MACROD2: variants seen among roughly 807,000 people sequenced by gnomAD.
The protein encoded by MACROD2 is ADP-ribose glycohydrolase MACROD2.
Under a neutral mutation model 70.4 loss-of-function variants are expected in MACROD2, and 36 were observed. The observed-to-expected ratio is 0.51, with a 90% CI of 0.39 to 0.68. The LOEUF is 0.68. Among genes scored for constraint, MACROD2 ranks in the 30% least tolerant of loss-of-function variants. The pLI is 0.00. For missense variants in MACROD2, 496 were observed against 538.4 expected (o/e 0.92, Z 0.78); for synonymous variants, 172 against 178.8 (o/e 0.96, Z 0.30).
chr20:14,401,619 C>T (rs1200317604), intron 3 of MACROD2, among the ~76,000 whole-genome samples: 1 of 152,068 alleles, frequency 6.6e-6, no homozygotes, highest in Non-Finnish European at 1.5e-5. Context: ...TGAATTGACT[C>T]AATTCAAGTA....
At chr20:15,003,506 G>A (rs2075011616) in intron 5 of MACROD2, among the ~76,000 whole-genome samples, 1 of 152,178 alleles carries the variant, frequency 6.6e-6, no homozygotes, top group Non-Finnish European at 1.5e-5. Flanking sequence ...AATTAGTATG[G>A]TAGAATTTCA....
At chr20:14,427,947 T>C (rs979594392) in intron 3 of MACROD2, among the ~76,000 whole-genome samples, 8 of 152,186 alleles carry the variant, frequency 5.3e-5, no homozygotes, top group Admixed American at 5.2e-4. Context: ...TGATATTTGG[T>C]AAAAGTTAAT....
chr20:15,679,712 A>G lies in MACROD2; in HGVS notation c.645+179865A>G, dbSNP rs79188636. Among the ~76,000 whole-genome samples the G allele has an allele frequency of 1.3e-3, 191 of 152,232 alleles. 1 individual carries two copies. Among genetic ancestry groups the G allele is most frequent in the East Asian group, 7.0e-3 (36 of 5,150 alleles). On this transcript the variant is annotated intron_variant, in intron 8 of 17. Transcript: ENST00000684519. ...CATGCAAAGAAGCAGAGGCCCTGACATCACATAGAGGAGAGTCAAGGAGTC... is the reference window on the plus strand; with the variant it reads ...CATGCAAAGAAGCAGAGGCCCTGACGTCACATAGAGGAGAGTCAAGGAGTC...
intron 15 of MACROD2, among the ~76,000 whole-genome samples, chr20:16,036,285 C>CGCCT (rs545013968): frequency 7.0e-5 from 5 of 71,106 alleles, no homozygotes; most frequent in Admixed American, 3.4e-4. Flanking sequence ...GGACTCCTCC[C>CGCCT]CCGGCCAGCA....
intron 5 of MACROD2, among the ~76,000 whole-genome samples, chr20:14,970,174 AG>A (rs1245917246): frequency 2.0e-5 from 3 of 152,282 alleles, no homozygotes; most frequent in African/African-American, 7.2e-5. Flanking sequence ...AGCCAAGCAA[AG>A]GGGGAAAAGC....
At chr20:14,798,265 A>G (rs2072534030) in intron 5 of MACROD2, among the ~76,000 whole-genome samples, 1 of 152,110 alleles carries the variant, frequency 6.6e-6, no homozygotes, top group African/African-American at 2.4e-5. Flanking sequence ...CTTAAGATAT[A>G]GATTTGAGGT....
intron 3 of MACROD2, among the ~76,000 whole-genome samples, chr20:14,099,608 C>T (rs1001449623): frequency 6.6e-6 from 1 of 152,018 alleles, no homozygotes; most frequent in South Asian, 2.1e-4. Flanking sequence ...AGTTTCTAGT[C>T]TGGGTGTTTT....
At chr20:15,308,478 G>A (rs144064490) in intron 6 of MACROD2, among the ~76,000 whole-genome samples, 1 of 152,178 alleles carries the variant, frequency 6.6e-6, no homozygotes, top group East Asian at 1.9e-4. Flanking sequence ...AAATATATAA[G>A]AAAGATATAG....
At position 15,770,616 on chromosome 20, in the gene MACROD2, G is replaced by T. The variant is rs142635911; in HGVS notation, c.646-92129G>T. Reference sequence around the variant, plus strand: ...AATGTAGGGTATCAGTCATCTATTGGCACAATAATGCTGCATAACAGACCA... The same window carrying T: ...AATGTAGGGTATCAGTCATCTATTGTCACAATAATGCTGCATAACAGACCA... On this transcript the variant is annotated intron_variant, in intron 8 of 17. Transcript: ENST00000684519. Among the ~76,000 whole-genome samples the T allele has an allele frequency of 3.7e-3, 566 of 152,178 alleles. 3 individuals are homozygous for T. Among genetic ancestry groups the T allele is most frequent in the Non-Finnish European group, 5.3e-3 (360 of 68,012 alleles).
chr20:14,968,502 C>CA (rs2074659242), intron 5 of MACROD2, among the ~76,000 whole-genome samples: 1 of 152,012 alleles, frequency 6.6e-6, no homozygotes, highest in African/African-American at 2.4e-5. Context: ...GGGTGGTGTC[C>CA]AGGCATCAGT....
intron 3 of MACROD2, among the ~76,000 whole-genome samples, chr20:14,170,945 G>T (rs933592512): frequency 6.6e-6 from 1 of 152,158 alleles, no homozygotes; most frequent in Admixed American, 6.5e-5. Flanking sequence ...ATGTTTGATA[G>T]AATTCAGCTG....
At chr20:14,573,785 A>G (rs556266604) in intron 4 of MACROD2, among the ~76,000 whole-genome samples, 2 of 152,310 alleles carry the variant, frequency 1.3e-5, no homozygotes, top group East Asian at 3.9e-4. Flanking sequence ...TACACCATAT[A>G]TCCAAAAAAT....
chr20:14,249,684 T>G (rs959939102), intron 3 of MACROD2, among the ~76,000 whole-genome samples: 1 of 152,134 alleles, frequency 6.6e-6, no homozygotes, highest in African/African-American at 2.4e-5. Context: ...ATAGCAAGAT[T>G]TATTGTTATC....
At chr20:15,972,563 A>G (rs958101108) in intron 13 of MACROD2, among the ~76,000 whole-genome samples, 2 of 152,236 alleles carry the variant, frequency 1.3e-5, no homozygotes, top group Non-Finnish European at 2.9e-5. Context: ...TAATCCCAGC[A>G]CTTTGGAAGG....
intron 3 of MACROD2, among the ~76,000 whole-genome samples, chr20:14,212,599 G>A (rs2081579502): frequency 6.6e-6 from 1 of 152,016 alleles, no homozygotes; most frequent in African/African-American, 2.4e-5. Context: ...CTGTTGGGTG[G>A]TGGAAAGAAT....
chr20:14,984,056 G>C (rs143119278), intron 5 of MACROD2, among the ~76,000 whole-genome samples: 80 of 152,256 alleles, frequency 5.3e-4, no homozygotes, highest in African/African-American at 1.7e-3. Context: ...GTAGAAGTTG[G>C]CTGCTGCTTC....
intron 15 of MACROD2, among the ~76,000 whole-genome samples, chr20:16,036,524 C>A (rs2067238756): frequency 6.6e-6 from 1 of 151,922 alleles, no homozygotes; most frequent in South Asian, 2.1e-4. Flanking sequence ...TCTTTTATCC[C>A]CTGCTAGGAG....
intron 3 of MACROD2, among the ~76,000 whole-genome samples, chr20:14,321,280 G>A (rs537525723): frequency 4.3e-4 from 66 of 152,096 alleles, no homozygotes; most frequent in Non-Finnish European, 8.1e-4. Flanking sequence ...CAGGAGAATC[G>A]CTTGAATCCA....
intron 5 of MACROD2, among the ~76,000 whole-genome samples, chr20:14,691,380 A>G (rs895723801): frequency 4.6e-5 from 7 of 152,208 alleles, no homozygotes; most frequent in Admixed American, 3.3e-4. Flanking sequence ...CCTCAAGAGA[A>G]CATTACCTTG....
Sources: gnomAD v4.1 joint callset for allele counts (sites outside exome capture counted in the v4.1 genomes callset) on GRCh38, gnomAD v4.1.1 for gene constraint, MANE v1.5 for transcripts, NCBI Gene and HGNC (gene_info 2026-07-23, HGNC 2026-07-21) for gene names.